PTPRG: variants seen among roughly 807,000 people sequenced by gnomAD.
PTPRG encodes the protein receptor-type tyrosine-protein phosphatase gamma.
PTPRG carries 102 observed loss-of-function variants against 165.3 expected under a neutral mutation model. That is an observed-to-expected ratio of 0.62 (90% CI 0.53 to 0.73). PTPRG has a LOEUF of 0.73. Among genes scored for constraint, PTPRG ranks in the 30% least tolerant of loss-of-function variants. PTPRG has a pLI of 0.00. For synonymous variants in PTPRG, 675 were observed against 669.5 expected, an observed-to-expected ratio of 1.01 and a Z score of -0.13; for missense variants, 1,866 against 1,861.4, an observed-to-expected ratio of 1.00 and a Z score of -0.05.
intron 1 of PTPRG, among the ~76,000 whole-genome samples, chr3:61,567,223 C>T (rs1559506130): frequency 1.3e-5 from 2 of 152,096 alleles, no homozygotes; most frequent in African/African-American, 2.4e-5. Flanking sequence ...TTTAATTTTC[C>T]ACCTGAGCTT....
chr3:61,964,529 A>G (rs1272476878), intron 2 of PTPRG, among the ~76,000 whole-genome samples: 2 of 152,198 alleles, frequency 1.3e-5, no homozygotes, highest in African/African-American at 2.4e-5. Flanking sequence ...AAAACTCTCC[A>G]TCAAACATAG....
At chr3:61,692,615 G>T (rs1171917682) in intron 1 of PTPRG, among the ~76,000 whole-genome samples, 1 of 152,110 alleles carries the variant, frequency 6.6e-6, no homozygotes, top group Non-Finnish European at 1.5e-5. Context: ...ATAGGATTTG[G>T]GTAGGTAAAG....
At chr3:61,919,624 T>G (rs1434563388) in intron 2 of PTPRG, among the ~76,000 whole-genome samples, 1 of 152,122 alleles carries the variant, frequency 6.6e-6, no homozygotes, top group Non-Finnish European at 1.5e-5. Flanking sequence ...TCCTGAGCGG[T>G]CCCATTCATC....
intron 2 of PTPRG, among the ~76,000 whole-genome samples, chr3:61,968,352 G>T (rs1172723857): frequency 6.6e-6 from 1 of 152,006 alleles, no homozygotes; most frequent in East Asian, 1.9e-4. Flanking sequence ...GACTTGCATT[G>T]TTGGACAGGC....
At chr3:61,804,262 G>T (rs1376770882) in intron 2 of PTPRG, among the ~76,000 whole-genome samples, 1 of 152,164 alleles carries the variant, frequency 6.6e-6, no homozygotes, top group Non-Finnish European at 1.5e-5. Context: ...ATAAAGATGT[G>T]ACTGCCCAGA....
chr3:62,091,523 C>T (rs1180277438), intron 5 of PTPRG, among the ~76,000 whole-genome samples: 2 of 152,058 alleles, frequency 1.3e-5, no homozygotes, highest in Non-Finnish European at 2.9e-5. Flanking sequence ...GTAAAAGGGC[C>T]CTATAAGATT....
chr3:62,125,409 G>A (rs1443740588), intron 5 of PTPRG, among the ~76,000 whole-genome samples: 1 of 152,132 alleles, frequency 6.6e-6, no homozygotes, highest in Non-Finnish European at 1.5e-5. Context: ...CCCCTGAGTA[G>A]CTTTTTGCTT....
intron 12 of PTPRG, among the ~76,000 whole-genome samples, chr3:62,212,563 C>T (rs1700385722): frequency 6.6e-6 from 1 of 152,136 alleles, no homozygotes. Flanking sequence ...TCTGCAGACT[C>T]ATTGGGTCAG....
chr3:62,141,914 A>G (rs997709239), intron 6 of PTPRG, among the ~76,000 whole-genome samples: 1 of 151,818 alleles, frequency 6.6e-6, no homozygotes. Context: ...AAAAGAAGAC[A>G]TGTGGGCAAG....
intron 4 of PTPRG, among the ~76,000 whole-genome samples, chr3:62,047,774 T>A (rs1490081384): frequency 6.6e-6 from 1 of 152,200 alleles, no homozygotes; most frequent in Admixed American, 6.5e-5. Context: ...GTCCTAGATA[T>A]AAATCATTCC....
chr3:61,729,874 TTA>T (rs1322928602), intron 1 of PTPRG, among the ~76,000 whole-genome samples: 1 of 152,162 alleles, frequency 6.6e-6, no homozygotes, highest in Non-Finnish European at 1.5e-5. Flanking sequence ...ATTGCTTTCA[TTA>T]TCAGAAAAAG....
intron 26 of PTPRG, among the ~76,000 whole-genome samples, chr3:62,279,451 TTAAAG>T (rs1408622397): frequency 5.3e-5 from 8 of 152,118 alleles, no homozygotes; most frequent in East Asian, 1.9e-4. Context: ...TAGTATTTCT[TTAAAG>T]TAAGTAGTTT....
intron 13 of PTPRG, among the ~76,000 whole-genome samples, chr3:62,226,315 C>T (rs1238254149): frequency 6.6e-6 from 1 of 152,204 alleles, no homozygotes; most frequent in Non-Finnish European, 1.5e-5. Flanking sequence ...GTCTCTGCTG[C>T]TGGACATGGT....
intron 1 of PTPRG, among the ~76,000 whole-genome samples, chr3:61,681,993 T>C (rs1703457120): frequency 6.6e-6 from 1 of 151,586 alleles, no homozygotes; most frequent in Non-Finnish European, 1.5e-5. Context: ...CTACTAAAAA[T>C]ACAAAAATTA....
intron 1 of PTPRG, among the ~76,000 whole-genome samples, chr3:61,671,584 C>T (rs1702989746): frequency 6.8e-6 from 1 of 148,042 alleles, no homozygotes; most frequent in Admixed American, 6.7e-5. Flanking sequence ...AATCTTTTCC[C>T]CACCTTTCCC....
At position 62,226,227 on chromosome 3, in the gene PTPRG, G is replaced by T. The variant is rs72878127; in HGVS notation, c.2289-4998G>T. ...GTCCAGAGGAGGAGTAGCATGCCTG[G>T]TGGCATATACTTCCCTCCATAGCCT... On this transcript the variant is annotated intron_variant, in intron 13 of 29. Transcript: ENST00000474889. 3.1e-3 allele frequency among the ~76,000 whole-genome samples: 478 copies of T among 152,302 alleles called. 1 individual carries two copies. Among genetic ancestry groups the T allele is most frequent in the African/African-American group, 0.011 (464 of 41,568 alleles).
chr3:61,988,889 G>T (rs959298859), intron 2 of PTPRG, among the ~76,000 whole-genome samples: 3 of 152,084 alleles, frequency 2.0e-5, no homozygotes, highest in African/African-American at 7.2e-5. Flanking sequence ...ATACCTGATT[G>T]GTACCTATTA....
Position 61,907,937 on chromosome 3 carries a change from T to TA in PTPRG, c.191-81687dup, listed in dbSNP as rs199928863. On this transcript the variant is annotated intron_variant, in intron 2 of 29. Coordinates refer to ENST00000474889, the MANE Select transcript of PTPRG (RefSeq NM_002841.4). ...GGCCAGGAGTTTGATGCCAGCAACA[T>TA]AGCGAGACCCCCGTCTCTGTGGAAA... 1.9e-3 allele frequency among the ~76,000 whole-genome samples: 229 copies of TA among 119,510 alleles called. 4 individuals are homozygous for TA. In the East Asian group the frequency reaches 0.053, roughly 28 times the overall value. 78.4% of individuals were successfully genotyped at this position (119,510 alleles called of 152,430 possible).
chr3:61,711,503 G>A (rs1414589074), intron 1 of PTPRG, among the ~76,000 whole-genome samples: 1 of 152,110 alleles, frequency 6.6e-6, no homozygotes, highest in South Asian at 2.1e-4. Context: ...GTTTTGATTT[G>A]CATTTCTCTA....
Sources: allele counts gnomAD v4.1 joint callset (sites outside exome capture counted in the v4.1 genomes callset), GRCh38; gene constraint gnomAD v4.1.1; transcripts MANE v1.5; gene names NCBI Gene and HGNC (gene_info 2026-07-23, HGNC 2026-07-21).